GPC6: variants seen among roughly 807,000 people sequenced by gnomAD.
GPC6 encodes the protein glypican 6.
Under a neutral mutation model 55.2 loss-of-function variants are expected in GPC6, and 14 were observed. That is an observed-to-expected ratio of 0.25 (90% CI 0.17 to 0.40). The LOEUF (loss-of-function observed/expected upper bound fraction) is 0.40. GPC6 is among the 10% of genes least tolerant of loss of function. GPC6 has a pLI of 1.00. For missense variants in GPC6, 641 were observed against 708.5 expected (o/e 0.90, Z 1.08); for synonymous variants, 278 against 259.6 (o/e 1.07, Z -0.68).
chr13:94,253,788 A>C (rs1330640365), intron 4 of GPC6, among the ~76,000 whole-genome samples: 1 of 152,164 alleles, frequency 6.6e-6, no homozygotes, highest in Non-Finnish European at 1.5e-5. Context: ...TTACTCTTTA[A>C]GTGCTGCATT....
At chr13:93,270,720 C>CG (rs1555286384) in intron 1 of GPC6, among the ~76,000 whole-genome samples, 1 of 127,994 alleles carries the variant, frequency 7.8e-6, no homozygotes, top group Non-Finnish European at 1.7e-5. Flanking sequence ...TTATTTTCCT[C>CG]AAAAAAAAAA....
intron 3 of GPC6, among the ~76,000 whole-genome samples, chr13:93,989,353 C>T (rs987657263): frequency 1.3e-5 from 2 of 152,170 alleles, no homozygotes; most frequent in Non-Finnish European, 2.9e-5. Context: ...GAATCTGATA[C>T]AGGGTTTGTG....
chr13:93,237,993 G>T (rs1049527176), intron 1 of GPC6, among the ~76,000 whole-genome samples: 3 of 152,106 alleles, frequency 2.0e-5, no homozygotes, highest in Non-Finnish European at 4.4e-5. Context: ...TTGAAGTTGG[G>T]TGATGTGATG....
intron 3 of GPC6, among the ~76,000 whole-genome samples, chr13:93,964,961 T>C (rs1285355689): frequency 6.6e-6 from 1 of 152,104 alleles, no homozygotes; most frequent in African/African-American, 2.4e-5. Context: ...GAGAAGAAAG[T>C]TTTAATACTA....
chr13:93,370,675 T>C (rs1881415202), intron 1 of GPC6, among the ~76,000 whole-genome samples: 1 of 152,128 alleles, frequency 6.6e-6, no homozygotes, highest in Non-Finnish European at 1.5e-5. Context: ...TGAGCATCCA[T>C]GTAGCCTGCC....
chr13:94,034,247 A>AGGAAGGAAGGAAGGAAGGAAG (rs141372123), intron 4 of GPC6, among the ~76,000 whole-genome samples: 4 of 146,932 alleles, frequency 2.7e-5, no homozygotes, highest in Non-Finnish European at 4.5e-5. Flanking sequence ...GAAGGAAGGA[A>AGGAAGGAAGGAAGGAAGGAAG]GGAAAGAAAG....
intron 3 of GPC6, among the ~76,000 whole-genome samples, chr13:93,856,872 A>G (rs1483333222): frequency 2.0e-5 from 3 of 151,642 alleles, no homozygotes; most frequent in African/African-American, 7.3e-5. Context: ...ATTTAAGAGA[A>G]CGTGGTTAAA....
chr13:94,154,043 C>T (rs1463643906), intron 4 of GPC6: 1 of 152,110 alleles, frequency 6.6e-6, no homozygotes, highest in African/African-American at 2.4e-5. Context: ...TATTGTCCTA[C>T]AGTTGAATAT....
At chr13:93,690,321 G>C (rs186174224) in intron 2 of GPC6, among the ~76,000 whole-genome samples, 1 of 151,978 alleles carries the variant, frequency 6.6e-6, no homozygotes, top group African/African-American at 2.4e-5. Context: ...GGAGGACAAG[G>C]TGGGGTCCAA....
chr13:93,850,189 A>G (rs1358284487), intron 3 of GPC6, among the ~76,000 whole-genome samples: 2 of 151,974 alleles, frequency 1.3e-5, no homozygotes, highest in Non-Finnish European at 2.9e-5. Flanking sequence ...TGTAGAAAAC[A>G]CCAGTGCATA....
At chr13:94,126,868 C>G (rs1886836888) in intron 4 of GPC6, among the ~76,000 whole-genome samples, 2 of 152,074 alleles carry the variant, frequency 1.3e-5, no homozygotes, top group African/African-American at 4.8e-5. Context: ...TGAAAATTGC[C>G]TTCAGGCAGC....
chr13:94,285,321 A>C (rs966725750), intron 4 of GPC6, among the ~76,000 whole-genome samples: 19 of 152,104 alleles, frequency 1.2e-4, no homozygotes, highest in African/African-American at 4.1e-4. Flanking sequence ...TAACTTGAGC[A>C]TTTTATTGTG....
At chr13:94,234,508 C>T (rs1358457746) in intron 4 of GPC6, among the ~76,000 whole-genome samples, 5 of 136,106 alleles carry the variant, frequency 3.7e-5, no homozygotes, top group African/African-American at 2.7e-5. Flanking sequence ...CTTTTGTTTG[C>T]TTTTTTTTTT....
Position 93,363,117 on chromosome 13 carries a change from G to GTTT in GPC6, c.160+135510_160+135512dup, listed in dbSNP as rs199840187. Among the ~76,000 whole-genome samples the GTTT allele has an allele frequency of 3.9e-3, 493 of 125,912 alleles. 3 individuals are homozygous for GTTT. The highest frequency in any genetic ancestry group is 0.028 in the East Asian group (122 of 4,334). The allele number at this position is 125,912 out of a possible 152,430, so 82.6% of individuals were successfully genotyped here. ...CTTTTTTTTTCTTTCCTTTTTTTTT[G>GTTT]TTTTTTTTTTTGTTTTTTTTAAAAT... On this transcript the variant is annotated intron_variant, in intron 1 of 8. Transcript: ENST00000377047.
intron 2 of GPC6, among the ~76,000 whole-genome samples, chr13:93,693,019 A>G (rs1049738892): frequency 2.0e-5 from 3 of 151,526 alleles, no homozygotes; most frequent in Non-Finnish European, 4.4e-5. Context: ...CTTGCTAAAA[A>G]GTAGATTTGA....
intron 1 of GPC6, among the ~76,000 whole-genome samples, chr13:93,366,979 A>T (rs1356364784): frequency 6.6e-6 from 1 of 152,104 alleles, no homozygotes; most frequent in Non-Finnish European, 1.5e-5. Context: ...TTAGAGATAC[A>T]GTGGACACTA....
intron 4 of GPC6, among the ~76,000 whole-genome samples, chr13:94,210,632 G>A (rs1237590059): frequency 6.6e-6 from 1 of 152,178 alleles, no homozygotes; most frequent in Non-Finnish European, 1.5e-5. Context: ...GTTAAACACT[G>A]TGAGAGCAGA....
At chr13:93,259,483 T>G (rs1388015074) in intron 1 of GPC6, among the ~76,000 whole-genome samples, 1 of 152,178 alleles carries the variant, frequency 6.6e-6, no homozygotes, top group African/African-American at 2.4e-5. Flanking sequence ...ATAGGGTAAA[T>G]AATGTTTTTG....
chr13:93,308,426 T>A (rs1171941297), intron 1 of GPC6, among the ~76,000 whole-genome samples: 1 of 152,200 alleles, frequency 6.6e-6, no homozygotes, highest in Non-Finnish European at 1.5e-5. Context: ...ATTTAAATAA[T>A]TGGATCTATA....
Sources: gnomAD v4.1 joint callset for allele counts (sites outside exome capture counted in the v4.1 genomes callset) on GRCh38, gnomAD v4.1.1 for gene constraint, MANE v1.5 for transcripts, NCBI Gene and HGNC (gene_info 2026-07-23, HGNC 2026-07-21) for gene names.